The following SP4 variants were observed in gnomAD, a reference collection of about 807,000 sequenced individuals.
SP4 encodes transcription factor Sp4.
A neutral mutation model predicts 72.8 loss-of-function variants in SP4; 19 were observed. That is an observed-to-expected ratio of 0.26 (90% CI 0.18 to 0.38). The LOEUF is 0.38. Among genes scored for constraint, SP4 ranks in the 10% least tolerant of loss-of-function variants. The pLI is 1.00. For missense variants in SP4, 1,008 were observed against 926.3 expected, an observed-to-expected ratio of 1.09 and a Z score of -1.14; for synonymous variants, 395 against 333.1, an observed-to-expected ratio of 1.19 and a Z score of -2.02.
chr7:21,504,785 C>G (rs1301420864), intron 5 of SP4, among the ~76,000 whole-genome samples: 1 of 152,182 alleles, frequency 6.6e-6, no homozygotes, highest in Non-Finnish European at 1.5e-5. Flanking sequence ...GTGTGGAGCG[C>G]TTACTATTAG....
At chr7:21,474,383 G>C (rs530312047) in intron 3 of SP4, among the ~76,000 whole-genome samples, 8 of 152,242 alleles carry the variant, frequency 5.3e-5, no homozygotes, top group African/African-American at 1.7e-4. Flanking sequence ...AGCTCCATAG[G>C]GACCATGCTG....
intron 5 of SP4, among the ~76,000 whole-genome samples, chr7:21,489,956 AT>A (rs1784929429): frequency 6.6e-6 from 1 of 152,110 alleles, no homozygotes; most frequent in South Asian, 2.1e-4. Flanking sequence ...CAGCCCCAGA[AT>A]TTTCTTATAT....
At chr7:21,492,034 T>A (rs1340900130) in intron 5 of SP4, among the ~76,000 whole-genome samples, 1 of 152,222 alleles carries the variant, frequency 6.6e-6, no homozygotes, top group East Asian at 1.9e-4. Context: ...AGACTGTTTT[T>A]CCTCTGCTGA....
At position 21,481,927 on chromosome 7, in the gene SP4, C is replaced by G. The variant is rs778718695; in HGVS notation, c.1911C>G (p.Gly637=). Residue 637 remains glycine (G), a synonymous_variant, in exon 5 of 6, where the codon GGC becomes GGG. Transcript: ENST00000222584. ...CPNCREGEGR[G]SNEPGKKKQH... ...GTTCGGTTTTTGTTTTTGCTAGAGGCAGTAATGAACCAGGAAAAAAGAAGC... is the reference window on the plus strand; with the variant it reads ...GTTCGGTTTTTGTTTTTGCTAGAGGGAGTAATGAACCAGGAAAAAAGAAGC... 2 of 1,612,414 alleles carry G rather than the reference C, an allele frequency of 1.2e-6. No homozygotes were observed. The highest frequency in any genetic ancestry group is 1.3e-5 in the African/African-American group (1 of 74,858).
intron 5 of SP4, among the ~76,000 whole-genome samples, chr7:21,509,561 G>T (rs1782092169): frequency 6.6e-6 from 1 of 151,924 alleles, no homozygotes; most frequent in East Asian, 1.9e-4. Flanking sequence ...TGTTACTTCA[G>T]ATGGATGTTT....
rs760362244 is a variant in SP4, at chr7:21,429,985, G to A, written c.820G>A (p.Val274Met). The change falls in exon 3 of 6, where the codon GTG (valine) becomes ATG (methionine). Residue 274 changes from valine to methionine, a missense_variant. By Grantham distance (21) the Val-to-Met change is conservative. Coordinates refer to ENST00000222584, the MANE Select transcript of SP4 (RefSeq NM_003112.5). Reference sequence around the variant, plus strand: ...TCTAGCTTTGCCAGTGATAAACAACGTGGCTGCCGGAGGAGGGACTGGGCA... The same window carrying A: ...TCTAGCTTTGCCAGTGATAAACAACATGGCTGCCGGAGGAGGGACTGGGCA... ...VTLALPVINN[V>M]AAGGGTGQVG... 7.4e-6 allele frequency: 12 copies of A among 1,614,016 alleles called. No individual in the cohort carries two copies. Among genetic ancestry groups the A allele is most frequent in the East Asian group, 2.2e-5 (1 of 44,894 alleles).
Position 21,428,199 on chromosome 7 carries a change from C to CCCCCCCCCAAA in SP4, c.-53_-52insCCCCCCCCAAA. On this transcript the variant is annotated 5_prime_UTR_variant, in exon 1 of 6. Transcript: ENST00000222584. Reference sequence around the variant, plus strand: ...TCTCCTCCCGCCTCGCCCCCACCCCCACCCACCTCTATCCCAGTGTCTCCG... The same window carrying CCCCCCCCCAAA: ...TCTCCTCCCGCCTCGCCCCCACCCCCCCCCCCCCAAAACCCACCTCTATCCCAGTGTCTCCG... 1 of 1,119,136 alleles carries CCCCCCCCCAAA rather than the reference C, an allele frequency of 8.9e-7. No homozygotes were observed. The highest frequency in any genetic ancestry group is 1.3e-6 in the Non-Finnish European group (1 of 767,806). 69.3% of individuals were successfully genotyped at this position (1,119,136 alleles called of 1,614,324 possible). A position where few individuals can be genotyped will look rare whatever the true frequency, so the allele number is the denominator to read the frequency against.
At chr7:21,509,471 C>T (rs201474749) in intron 5 of SP4, among the ~76,000 whole-genome samples, 1 of 150,104 alleles carries the variant, frequency 6.7e-6, no homozygotes, top group Non-Finnish European at 1.5e-5. Flanking sequence ...AAATATTTTC[C>T]TTTTTTTTTA....
intron 5 of SP4, among the ~76,000 whole-genome samples, chr7:21,498,200 AT>A (rs1216435989): frequency 6.6e-6 from 1 of 152,192 alleles, no homozygotes; most frequent in African/African-American, 2.4e-5. Flanking sequence ...ACTGTAAAAA[AT>A]AATACAAATT....
intron 3 of SP4, among the ~76,000 whole-genome samples, chr7:21,432,333 T>G (rs1188914118): frequency 6.6e-6 from 1 of 152,246 alleles, no homozygotes; most frequent in East Asian, 1.9e-4. Context: ...TTGACAATAA[T>G]TGTAGTATTT....
chr7:21,444,447 C>T (rs1342160977), intron 3 of SP4, among the ~76,000 whole-genome samples: 1 of 152,160 alleles, frequency 6.6e-6, no homozygotes, highest in Non-Finnish European at 1.5e-5. Flanking sequence ...TTGCTGACAT[C>T]TCTCCTTTCA....
rs1301542412 is a variant in SP4, at chr7:21,431,551, A to G, written c.1678+708A>G. ...TAAGGTTGGTGGAAAGCAATGAAAA[A>G]TGTTGACAGTAAAATGTCACTAATT... is the stretch of plus-strand genomic sequence containing the variant. On this transcript the variant is annotated intron_variant, in intron 3 of 5. Transcript: ENST00000222584. Among the ~76,000 whole-genome samples, 3 of 152,250 alleles carry G rather than the reference A, an allele frequency of 2.0e-5. No individual in the cohort carries two copies. The South Asian group carries it at 6.2e-4, about 31-fold the overall frequency.
chr7:21,488,868 A>G (rs1375792538), intron 5 of SP4, among the ~76,000 whole-genome samples: 1 of 152,198 alleles, frequency 6.6e-6, no homozygotes, highest in African/African-American at 2.4e-5. Context: ...TTTATGTTAC[A>G]TGTGTTAATA....
At chr7:21,442,508 T>G (rs1204004149) in intron 3 of SP4, among the ~76,000 whole-genome samples, 1 of 152,182 alleles carries the variant, frequency 6.6e-6, no homozygotes, top group African/African-American at 2.4e-5. Context: ...ATTAAATTAC[T>G]TTGTGGTGTT....
At chr7:21,463,977 A>G (rs989806025) in intron 3 of SP4, among the ~76,000 whole-genome samples, 1 of 152,198 alleles carries the variant, frequency 6.6e-6, no homozygotes, top group Non-Finnish European at 1.5e-5. Context: ...GGCAGAAATC[A>G]TGTTACTTTA....
At chr7:21,444,882 G>A (rs1783373411) in intron 3 of SP4, among the ~76,000 whole-genome samples, 1 of 152,122 alleles carries the variant, frequency 6.6e-6, no homozygotes, top group Non-Finnish European at 1.5e-5. Context: ...ACTACTTTAA[G>A]TATTTTATTG....
At chr7:21,448,154 C>G (rs1438640825) in intron 3 of SP4, among the ~76,000 whole-genome samples, 2 of 151,972 alleles carry the variant, frequency 1.3e-5, no homozygotes. Flanking sequence ...TTTTTTGAAC[C>G]ACTTTAACAA....
At position 21,429,966 on chromosome 7, in the gene SP4, T is replaced by A; in HGVS notation, c.801T>A (p.Ala267=). 6.2e-7 allele frequency: 1 copy of A among 1,614,206 alleles called. No homozygotes were observed. The highest frequency in any genetic ancestry group is 8.5e-7 in the Non-Finnish European group (1 of 1,180,042). ...LPINIGGVTL[A]LPVINNVAAG... is the part of the protein sequence containing the mutation. ...TTAACATTGGAGGAGTGACTCTAGC[T>A]TTGCCAGTGATAAACAACGTGGCTG... The change falls in exon 3 of 6, where the codon GCT becomes GCA. Residue 267 remains alanine, a synonymous_variant. Coordinates refer to ENST00000222584, the MANE Select transcript of SP4 (RefSeq NM_003112.5).
intron 5 of SP4, among the ~76,000 whole-genome samples, chr7:21,495,217 G>T (rs1029888026): frequency 6.6e-6 from 1 of 152,014 alleles, no homozygotes; most frequent in Non-Finnish European, 1.5e-5. Flanking sequence ...ATCCATAAAA[G>T]AAAAAATCAG....
Sources: gnomAD v4.1 joint callset for allele counts (sites outside exome capture counted in the v4.1 genomes callset) on GRCh38, gnomAD v4.1.1 for gene constraint, MANE v1.5 for transcripts, NCBI Gene and HGNC (gene_info 2026-07-23, HGNC 2026-07-21) for gene names.